CCDC33: variants seen among roughly 807,000 people sequenced by gnomAD.
CCDC33 encodes the protein coiled-coil domain containing 33.
CCDC33 carries 94 observed loss-of-function variants against 91.9 expected under a neutral mutation model. The observed-to-expected ratio is 1.02, with a 90% CI of 0.87 to 1.21. CCDC33 has a LOEUF of 1.21. Among genes scored for constraint, CCDC33 ranks in the 50% most tolerant of loss-of-function variants. The pLI is 0.00. For synonymous variants in CCDC33, 396 were observed against 374.5 expected, an observed-to-expected ratio of 1.06 and a Z score of -0.66; for missense variants, 940 against 935.5, an observed-to-expected ratio of 1.00 and a Z score of -0.06.
upstream of CCDC33, among the ~76,000 whole-genome samples, chr15:74,232,257 G>A (rs2075000837): frequency 6.6e-6 from 1 of 152,066 alleles, no homozygotes. Flanking sequence ...GGTCCTGCCA[G>A]GAAAAAGAAG....
intron 1 of CCDC33, among the ~76,000 whole-genome samples, chr15:74,241,618 A>G (rs2075351309): frequency 1.3e-5 from 2 of 152,122 alleles, no homozygotes; most frequent in Middle Eastern, 3.2e-3. Flanking sequence ...CAGAGGAGAG[A>G]GAGGGTCTGG....
intron 2 of CCDC33, among the ~76,000 whole-genome samples, chr15:74,260,312 A>C (rs112215356): frequency 0.021 from 3,189 of 152,068 alleles, 109 homozygotes; most frequent in African/African-American, 0.073. Flanking sequence ...CCCACACACC[A>C]CTTTGCGGGT....
upstream of CCDC33, among the ~76,000 whole-genome samples, chr15:74,232,976 C>T (rs1000288058): frequency 6.6e-6 from 1 of 152,208 alleles, no homozygotes; most frequent in Non-Finnish European, 1.5e-5. Context: ...CTTCTCTATC[C>T]CCTCTCTGTT....
rs561383590 is a variant in CCDC33, at chr15:74,255,319, A to G, written c.186-7121A>G. On this transcript the variant is annotated intron_variant, in intron 2 of 18. Transcript: ENST00000398814. The stretch of plus-strand genomic sequence containing the variant: ...GCCACACAGTCAGCAGCGGTGAGCC[A>G]GGAGCCAGGACTCAAGCCCACGACT... Among the ~76,000 whole-genome samples the G allele has an allele frequency of 1.3e-3, 195 of 152,362 alleles. 2 individuals carry two copies. Among genetic ancestry groups the G allele is most frequent in the Non-Finnish European group, 1.2e-3 (83 of 68,034 alleles).
rs542784125 is a variant in CCDC33, at chr15:74,244,405, T to G, written c.185+257T>G. ...CCCACACCAGTGGGGCAGGGATTGG[T>G]CACAGCTCAGCTCCAGTGGGGCAGG... On this transcript the variant is annotated intron_variant, in intron 2 of 18. Coordinates refer to ENST00000398814, the MANE Select transcript of CCDC33 (RefSeq NM_025055.5). The surrounding 1 kb of genome is among the most constrained non-coding windows in gnomAD (Gnocchi z 4.2). 5.9e-5 allele frequency among the ~76,000 whole-genome samples: 9 copies of G among 152,012 alleles called. No individual in the cohort carries two copies. Among genetic ancestry groups the G allele is most frequent in the East Asian group, 1.9e-4 (1 of 5,146 alleles).
At chr15:74,220,558 G>A (rs747137866) in intron 2 of CCDC33, among the ~76,000 whole-genome samples, 9 of 152,192 alleles carry the variant, frequency 5.9e-5, no homozygotes, top group African/African-American at 9.7e-5. Context: ...CACAGGCCAC[G>A]TGGACGATGC....
At chr15:74,299,640 G>C (rs2059754081) in intron 11 of CCDC33, 1 of 152,250 alleles carries the variant, frequency 6.6e-6, no homozygotes. Flanking sequence ...GGAAATACTG[G>C]ACACTACAGA....
chr15:74,279,116 C>T (rs761319885), intron 7 of CCDC33, among the ~76,000 whole-genome samples: 5 of 152,242 alleles, frequency 3.3e-5, no homozygotes, highest in Non-Finnish European at 5.9e-5. Flanking sequence ...TCCTAAAATA[C>T]ACATGTCCTA....
intron 5 of CCDC33, 35 bp downstream of exon 5, chr15:74,268,493 G>T (rs865842455): frequency 5.5e-6 from 8 of 1,449,228 alleles, no homozygotes; most frequent in South Asian, 1.2e-5. Context: ...GTGGTGGTGG[G>T]GGTGGGAAAG....
upstream of CCDC33, among the ~76,000 whole-genome samples, chr15:74,234,313 C>T (rs1246919409): frequency 6.6e-6 from 1 of 152,248 alleles, no homozygotes; most frequent in Admixed American, 6.5e-5. Flanking sequence ...CCCTGCTCTC[C>T]CTCACCCTGG....
intron 17 of CCDC33, among the ~76,000 whole-genome samples, 153 bp from the exon 18 acceptor site, chr15:74,334,822 C>T (rs145893911): frequency 0.018 from 2,773 of 152,208 alleles, 80 homozygotes; most frequent in African/African-American, 0.064. Context: ...ACCCTCACCC[C>T]GCCACCCCTG....
chr15:74,277,500 G>A (rs2076479711), intron 7 of CCDC33, among the ~76,000 whole-genome samples: 1 of 152,224 alleles, frequency 6.6e-6, no homozygotes, highest in African/African-American at 2.4e-5. Context: ...GAAGATCACA[G>A]CTGAGGGTTA....
intron 9 of CCDC33, 109 bp from the exon 10 acceptor site, chr15:74,281,669 G>A (rs943951232): frequency 3.0e-6 from 3 of 983,922 alleles, no homozygotes; most frequent in Non-Finnish European, 3.1e-6. Flanking sequence ...CCACCCTCCT[G>A]GGTGCAGCCC....
At position 74,217,718 on chromosome 15, in the gene CCDC33, C is replaced by T. The variant is rs781492543; in HGVS notation, c.310+137C>T. ...TCCAGACTGCATCCCAAAGCTCTGCCGGTGTGACCTTGGGCAAATTCTGGG... is the reference window on the plus strand; with the variant it reads ...TCCAGACTGCATCCCAAAGCTCTGCTGGTGTGACCTTGGGCAAATTCTGGG... On this transcript the variant is annotated intron_variant, in intron 1 of 2. Coordinates refer to the CCDC33 transcript ENST00000635913. The T allele has an allele frequency of 7.2e-5, 49 of 681,074 alleles. No homozygotes were observed. The Admixed American group carries it at 7.7e-4, about 11-fold the overall frequency. The allele number at this position is 681,074 out of a possible 1,614,324, so 42.2% of individuals were successfully genotyped here.
intron 11 of CCDC33, among the ~76,000 whole-genome samples, chr15:74,305,946 G>GTCCCC (rs2059886326): frequency 6.6e-6 from 1 of 152,168 alleles, no homozygotes; most frequent in Non-Finnish European, 1.5e-5. Context: ...CGCCTCTTGA[G>GTCCCC]GCTTTTCAGA....
At position 74,336,096 on chromosome 15, in the gene CCDC33, T is replaced by C. The variant is rs749154066; in HGVS notation, c.*43T>C. The C allele has an allele frequency of 8.1e-6, 13 of 1,597,870 alleles. No homozygotes were observed. In the African/African-American group the frequency reaches 1.3e-4, roughly 17 times the overall value. On this transcript the variant is annotated 3_prime_UTR_variant, in exon 19 of 19. Coordinates refer to ENST00000398814, the MANE Select transcript of CCDC33 (RefSeq NM_025055.5). ...CTTCCCTGTGTGCTGGGGAGTCTCA[T>C]CACCGCCCCCTAAAAATGACGTTAT...
At chr15:74,308,608 A>G (rs2059936237) in intron 11 of CCDC33, among the ~76,000 whole-genome samples, 1 of 152,096 alleles carries the variant, frequency 6.6e-6, no homozygotes, top group African/African-American at 2.4e-5. Flanking sequence ...GAGGGGGGAC[A>G]GCGTTGCCCA....
intron 3 of CCDC33, among the ~76,000 whole-genome samples, chr15:74,263,262 T>C (rs897364497): frequency 2.0e-5 from 3 of 152,298 alleles, no homozygotes; most frequent in East Asian, 3.9e-4. Flanking sequence ...GGAATACTGA[T>C]TGGCTGATGC....
chr15:74,233,642 C>A (rs1221577511), upstream of CCDC33, among the ~76,000 whole-genome samples: 1 of 151,970 alleles, frequency 6.6e-6, no homozygotes, highest in African/African-American at 2.4e-5. Context: ...CAGAGCTGCA[C>A]TAGAGAGAAC....
Sources: allele counts gnomAD v4.1 joint callset (sites outside exome capture counted in the v4.1 genomes callset), GRCh38; gene constraint gnomAD v4.1.1; non-coding constraint Gnocchi (gnomAD v3.1); transcripts MANE v1.5; gene names NCBI Gene and HGNC (gene_info 2026-07-23, HGNC 2026-07-21).